OTOG: variants seen among roughly 807,000 people sequenced by gnomAD.
OTOG encodes the protein otogelin.
A neutral mutation model predicts 313.8 loss-of-function variants in OTOG; 296 were observed. The observed-to-expected ratio is 0.94, with a 90% CI of 0.86 to 1.04. The LOEUF (loss-of-function observed/expected upper bound fraction) is 1.04, where lower values mean the gene tolerates loss of function less well. Among genes scored for constraint, OTOG ranks in the 50% least tolerant of loss-of-function variants. OTOG has a pLI of 0.00. For synonymous variants in OTOG, 1,533 were observed against 1,554.9 expected (o/e 0.99, Z 0.33); for missense variants, 3,948 against 3,840.1 (o/e 1.03, Z -0.74).
chr11:17,592,150 G>A lies in OTOG; in HGVS notation c.3006+562G>A, dbSNP rs541130969. 1.4e-4 allele frequency among the ~76,000 whole-genome samples: 22 copies of A among 152,224 alleles called. No homozygotes were observed. In the East Asian group the frequency reaches 4.3e-3, roughly 29 times the overall value. ...GGAGGAAGAAAACTGGTGATGTGGGGGGCACAGTGAAGGCAGGATCCCTAC... is the reference window on the plus strand; with the variant it reads ...GGAGGAAGAAAACTGGTGATGTGGGAGGCACAGTGAAGGCAGGATCCCTAC... On this transcript the variant is annotated intron_variant, in intron 25 of 55. Coordinates refer to ENST00000399397, the MANE Select transcript of OTOG (RefSeq NM_001292063.2).
intron 46 of OTOG, 67 bp from the exon 47 acceptor site, chr11:17,635,543 C>A: frequency 7.6e-7 from 1 of 1,309,312 alleles, no homozygotes; most frequent in Non-Finnish European, 1.1e-6. Flanking sequence ...CCACCCCCAG[C>A]AACGTGCTGT....
chr11:17,639,307 C>G, intron 48 of OTOG, 116 bp from the exon 49 acceptor site: 1 of 1,116,504 alleles, frequency 9.0e-7, no homozygotes, highest in Non-Finnish European at 1.3e-6. Flanking sequence ...CAGGCCTGGC[C>G]TGGAGCTGGG....
chr11:17,628,450 G>GTTAT (rs1380334862), intron 39 of OTOG, among the ~76,000 whole-genome samples: 2 of 151,832 alleles, frequency 1.3e-5, no homozygotes, highest in African/African-American at 4.8e-5. Context: ...ATAACCCATG[G>GTTAT]TACATCCAAA....
At position 17,612,630 on chromosome 11, in the gene OTOG, A is replaced by T; in HGVS notation, c.6303A>T (p.Ser2101=). The T allele has an allele frequency of 1.9e-6, 3 of 1,550,312 alleles. No homozygotes were observed. In the South Asian group the frequency reaches 3.6e-5, roughly 18 times the overall value. The change falls in exon 38 of 56, where the codon TCA becomes TCT. Residue 2101 remains serine (S), a synonymous_variant. Transcript: ENST00000399397. The part of the protein sequence containing the change: ...CPLWECACRC[S]IFPDLSFVTF... Reference sequence around the variant, plus strand: ...CTGCCCCTCCCCCAGGCCGGTGCTCAATCTTCCCTGACCTGAGCTTCGTGA... The same window carrying T: ...CTGCCCCTCCCCCAGGCCGGTGCTCTATCTTCCCTGACCTGAGCTTCGTGA...
chr11:17,587,396 G>A (rs996570547), intron 24 of OTOG, among the ~76,000 whole-genome samples: 2 of 152,216 alleles, frequency 1.3e-5, no homozygotes, highest in Non-Finnish European at 2.9e-5. Flanking sequence ...CCTGATGCTG[G>A]AGAGCAAACC....
chr11:17,627,676 G>A (rs1014535807), intron 39 of OTOG, among the ~76,000 whole-genome samples: 1 of 152,082 alleles, frequency 6.6e-6, no homozygotes, highest in African/African-American at 2.4e-5. Context: ...TTCTTCAAAT[G>A]TTTGGTAGAA....
chr11:17,607,207 T>C (rs2134084391), intron 33 of OTOG, among the ~76,000 whole-genome samples: 1 of 152,374 alleles, frequency 6.6e-6, no homozygotes, highest in East Asian at 1.9e-4. Context: ...AGTTAGACTT[T>C]TGGAAAAGCA....
At chr11:17,592,437 T>C (rs1852970980) in intron 25 of OTOG, among the ~76,000 whole-genome samples, 1 of 152,342 alleles carries the variant, frequency 6.6e-6, no homozygotes, top group Admixed American at 6.5e-5. Flanking sequence ...TAATGCAGTG[T>C]ATATTAAAAA....
chr11:17,621,892 T>C (rs758495601), intron 39 of OTOG, among the ~76,000 whole-genome samples: 1 of 152,232 alleles, frequency 6.6e-6, no homozygotes, highest in Admixed American at 6.5e-5. Flanking sequence ...GGCAAGAGGG[T>C]AAATCCAGTT....
In OTOG at chr11:17,606,060, T is replaced by G. The variant is rs756889612; in HGVS notation, c.4081T>G (p.Ser1361Ala). 4.2e-5 allele frequency: 65 copies of G among 1,550,292 alleles called. No homozygotes were observed. Among genetic ancestry groups the G allele is most frequent in the Non-Finnish European group, 5.7e-5 (65 of 1,146,970 alleles). ...CAAGCCCAGCTCCTTCCTCTATGTG[T>G]CGGGCGCGGTGCTGGCCCTGCGGCT... ...LAKPSSFLYV[S>A]GAVLALRLYE... Residue 1361 changes from serine (S) to alanine (A), a missense_variant, in exon 33 of 56, where the codon TCG becomes GCG. Transcript: ENST00000399397.
Position 17,599,703 on chromosome 11 carries a change from C to T in OTOG, c.3709+6C>T. ...CTGTGACTTCTTTAACAAAGGTAAG[C>T]CCCTCCTCCCCACGCAGAGTCTCAG... On this transcript the variant is annotated splice_donor_region_variant and intron_variant, in intron 31 of 55. Transcript: ENST00000399397. The T allele has an allele frequency of 1.3e-6, 2 of 1,550,550 alleles. No homozygotes were observed. Among genetic ancestry groups the T allele is most frequent in the South Asian group, 1.2e-5 (1 of 84,066 alleles).
chr11:17,609,810 C>G lies in OTOG; in HGVS notation c.4510C>G (p.Pro1504Ala), dbSNP rs947624442. The change falls in exon 36 of 56, where the codon CCA becomes GCA. Residue 1504 changes from proline to alanine, a missense_variant. Transcript: ENST00000399397. ...THRPALTPAA[P>A]LTTALNPPVT... is the part of the protein sequence containing the mutation. ...CAGGCCAGCCCTCACCCCAGCTGCCCCACTCACCACAGCCCTGAACCCACC... is the reference window on the plus strand; with the variant it reads ...CAGGCCAGCCCTCACCCCAGCTGCCGCACTCACCACAGCCCTGAACCCACC... The G allele has an allele frequency of 6.5e-7, 1 of 1,544,248 alleles. No individual in the cohort carries two copies. Among genetic ancestry groups the G allele is most frequent in the African/African-American group, 1.4e-5 (1 of 72,900 alleles).
chr11:17,550,935 G>T (rs1481033288), intron 3 of OTOG, among the ~76,000 whole-genome samples: 1 of 152,258 alleles, frequency 6.6e-6, no homozygotes, highest in Non-Finnish European at 1.5e-5. Context: ...TGCCTGCCAG[G>T]GCAGGGCCAA....
Position 17,634,293 on chromosome 11 carries a change from C to T in OTOG, c.7480+12C>T. On this transcript the variant is annotated intron_variant, in intron 44 of 55. Coordinates refer to ENST00000399397, the MANE Select transcript of OTOG (RefSeq NM_001292063.2). The stretch of plus-strand genomic sequence containing the variant: ...GGGGACTGTCTGTGGTGAGTGTCCA[C>T]CTTCACTTCCTTGGACGTCAACTGT... 1 of 1,547,744 alleles carries T rather than the reference C, an allele frequency of 6.5e-7. No individual in the cohort carries two copies. Among genetic ancestry groups the T allele is most frequent in the South Asian group, 1.2e-5 (1 of 83,998 alleles).
chr11:17,612,604 C>G lies in OTOG; in HGVS notation c.6293-16C>G, dbSNP rs552196495. 6.5e-7 allele frequency: 1 copy of G among 1,547,342 alleles called. No individual in the cohort carries two copies. Among genetic ancestry groups the G allele is most frequent in the Non-Finnish European group, 8.7e-7 (1 of 1,145,330 alleles). ...AGGCATCCACCTATTCTTCTTGTGC[C>G]CTGCCCCTCCCCCAGGCCGGTGCTC... On this transcript the variant is annotated splice_polypyrimidine_tract_variant and intron_variant, in intron 37 of 55. Coordinates refer to ENST00000399397, the MANE Select transcript of OTOG (RefSeq NM_001292063.2).
At chr11:17,578,155 GGGTCCTGGT>G (rs1852579774) in intron 22 of OTOG, 1 of 977,876 alleles carries the variant, frequency 1.0e-6, no homozygotes, top group South Asian at 3.8e-5. Context: ...GTGCAGAGAT[GGGTCCTGGT>G]GGCCGCAGTC....
chr11:17,551,019 G>A (rs747342491), intron 3 of OTOG, among the ~76,000 whole-genome samples: 16 of 152,252 alleles, frequency 1.1e-4, no homozygotes, highest in Non-Finnish European at 2.2e-4. Flanking sequence ...ATGACAATGA[G>A]GGAGGCTGAC....
At chr11:17,634,760 T>C (rs565282636) in intron 44 of OTOG, 84 bp from the exon 45 acceptor site, 1 of 1,164,554 alleles carries the variant, frequency 8.6e-7, no homozygotes, top group South Asian at 1.4e-5. Flanking sequence ...GTCCAGGGGT[T>C]GGGCAGTTGT....
At chr11:17,635,748 GA>G in intron 47 of OTOG, 37 bp downstream of exon 47, 1 of 1,507,574 alleles carries the variant, frequency 6.6e-7, no homozygotes, top group Non-Finnish European at 9.0e-7. Context: ...GCTGCGGCAG[GA>G]AGGGGCCCTT....
Sources: gnomAD v4.1 joint callset for allele counts (sites outside exome capture counted in the v4.1 genomes callset) on GRCh38, gnomAD v4.1.1 for gene constraint, MANE v1.5 for transcripts, NCBI Gene and HGNC (gene_info 2026-07-23, HGNC 2026-07-21) for gene names.